The following CLVS1 variants were observed in gnomAD, a reference collection of about 807,000 sequenced individuals.
CLVS1 encodes the protein clavesin-1.
In CLVS1, 10 loss-of-function variants were observed where a neutral mutation model predicts 33.1. That is an observed-to-expected ratio of 0.30 (90% CI 0.19 to 0.51). CLVS1 has a LOEUF of 0.51. Ranked by LOEUF, CLVS1 falls within the 20% of genes least tolerant of loss-of-function variation. The probability of loss-of-function intolerance (pLI) is 0.97; values close to 1 mark genes in which losing one functional copy is unlikely to be tolerated. For synonymous variants in CLVS1, 163 were observed against 166.1 expected (o/e 0.98, Z 0.14); for missense variants, 343 against 433.4 (o/e 0.79, Z 1.85).
At chr8:61,390,291 G>A (rs907751123) in intron 3 of CLVS1, among the ~76,000 whole-genome samples, 1 of 152,078 alleles carries the variant, frequency 6.6e-6, no homozygotes, top group Non-Finnish European at 1.5e-5. Flanking sequence ...TGTTTACAAC[G>A]ACTACATCAT....
chr8:61,375,435 G>C (rs905418690), intron 2 of CLVS1, among the ~76,000 whole-genome samples: 1 of 152,012 alleles, frequency 6.6e-6, no homozygotes, highest in South Asian at 2.1e-4. Context: ...ATTTTTAGTC[G>C]AGACGGGGTT....
At chr8:61,102,825 T>G in intron 1 of CLVS1, among the ~76,000 whole-genome samples, 1 of 151,448 alleles carries the variant, frequency 6.6e-6, no homozygotes, top group South Asian at 2.1e-4. Flanking sequence ...AAAGAGGAAA[T>G]AGAAGAGGAA....
intron 3 of CLVS1, chr8:61,377,619 C>G (rs1813700710): frequency 6.6e-6 from 1 of 152,192 alleles, no homozygotes; most frequent in Admixed American, 6.5e-5. Context: ...AGTCATTACT[C>G]ATGCTCTTCA....
intron 2 of CLVS1, among the ~76,000 whole-genome samples, chr8:61,309,445 C>G (rs1810757377): frequency 6.6e-6 from 1 of 152,180 alleles, no homozygotes. Flanking sequence ...CTCTCACCTC[C>G]AAACCCCTCA....
intron 2 of CLVS1, among the ~76,000 whole-genome samples, chr8:61,357,489 C>CTTTTATTTTTTTTTTTT (rs1462908906): frequency 1.7e-4 from 5 of 30,282 alleles, no homozygotes; most frequent in Admixed American, 7.4e-4. Flanking sequence ...TTTCCTTTTT[C>CTTTTATTTTTTTTTTTT]TTTTCTTTTT....
At chr8:61,275,444 C>T (rs1437449780) in intron 2 of CLVS1, among the ~76,000 whole-genome samples, 1 of 152,148 alleles carries the variant, frequency 6.6e-6, no homozygotes, top group Non-Finnish European at 1.5e-5. Flanking sequence ...TCCTAATTAC[C>T]CATCTTGCAT....
intron 1 of CLVS1, among the ~76,000 whole-genome samples, chr8:61,097,974 G>A (rs190607795): frequency 2.6e-5 from 4 of 152,254 alleles, no homozygotes; most frequent in South Asian, 2.1e-4. Flanking sequence ...GGGCAACATT[G>A]TGATACTCTG....
At chr8:61,368,778 C>T (rs1454689580) in intron 2 of CLVS1, among the ~76,000 whole-genome samples, 1 of 152,136 alleles carries the variant, frequency 6.6e-6, no homozygotes, top group Non-Finnish European at 1.5e-5. Context: ...TACATTATTT[C>T]TAAAAATCTG....
chr8:61,183,524 C>T (rs531160594), intron 2 of CLVS1, among the ~76,000 whole-genome samples: 27 of 152,020 alleles, frequency 1.8e-4, no homozygotes, highest in South Asian at 1.0e-3. Flanking sequence ...ATCCTGAGAG[C>T]GGAGGTGAAT....
At chr8:61,161,664 T>C (rs1270873860) in intron 2 of CLVS1, among the ~76,000 whole-genome samples, 1 of 152,190 alleles carries the variant, frequency 6.6e-6, no homozygotes, top group African/African-American at 2.4e-5. Flanking sequence ...GAAAAGATGT[T>C]GGTCAAAGGG....
chr8:60,994,804 C>T, the CLVS1 span, among the ~76,000 whole-genome samples: 26 of 152,112 alleles, frequency 1.7e-4, no homozygotes, highest in East Asian at 4.8e-3. Flanking sequence ...GGTACTGGTA[C>T]CAAAACAGAG....
intron 3 of CLVS1, among the ~76,000 whole-genome samples, chr8:61,445,364 C>G (rs1816716041): frequency 1.3e-5 from 2 of 152,142 alleles, no homozygotes; most frequent in Non-Finnish European, 2.9e-5. Context: ...GGGGTGGATC[C>G]TTCATGAACT....
chr8:61,307,846 C>T (rs559624705), intron 2 of CLVS1, among the ~76,000 whole-genome samples: 2 of 152,146 alleles, frequency 1.3e-5, no homozygotes, highest in South Asian at 2.1e-4. Context: ...CTCCCACACT[C>T]CCACCTTATG....
chr8:61,407,207 C>A (rs757356395), intron 3 of CLVS1, among the ~76,000 whole-genome samples: 10 of 152,190 alleles, frequency 6.6e-5, no homozygotes, highest in Non-Finnish European at 1.5e-4. Flanking sequence ...GAATACTCAG[C>A]ACCATGGCTA....
the CLVS1 span, among the ~76,000 whole-genome samples, chr8:61,014,055 C>T: frequency 6.0e-5 from 9 of 149,526 alleles, no homozygotes; most frequent in Non-Finnish European, 1.2e-4. Context: ...TTAGACTCAT[C>T]TGCAAGTGTC....
At chr8:61,247,121 A>G (rs777078991) in intron 2 of CLVS1, among the ~76,000 whole-genome samples, 2 of 152,186 alleles carry the variant, frequency 1.3e-5, no homozygotes, top group Non-Finnish European at 2.9e-5. Flanking sequence ...ATCAAAACAC[A>G]TGATCTAATT....
At chr8:61,222,605 C>T (rs1445573202) in intron 2 of CLVS1, among the ~76,000 whole-genome samples, 1 of 152,022 alleles carries the variant, frequency 6.6e-6, no homozygotes, top group African/African-American at 2.4e-5. Flanking sequence ...ATTATGTGGT[C>T]GATTTTAGAG....
rs150127544 is a variant in CLVS1, at chr8:61,069,114, G to A, written c.-243+11884G>A. On this transcript the variant is annotated intron_variant, in intron 1 of 2. Coordinates refer to the CLVS1 transcript ENST00000522621. ...CCCAAGTAGTTGGAATTATAGGTGCGCACCATCATGCTTGGCTAATTTTGT... is the reference window on the plus strand; with the variant it reads ...CCCAAGTAGTTGGAATTATAGGTGCACACCATCATGCTTGGCTAATTTTGT... Among the ~76,000 whole-genome samples the A allele has an allele frequency of 4.0e-3, 614 of 152,158 alleles. 6 individuals carry two copies. Among genetic ancestry groups the A allele is most frequent in the African/African-American group, 0.014 (582 of 41,520 alleles).
upstream of CLVS1, among the ~76,000 whole-genome samples, chr8:61,286,100 G>A (rs1809774172): frequency 6.6e-6 from 1 of 151,846 alleles, no homozygotes; most frequent in Non-Finnish European, 1.5e-5. Context: ...TAACTCTGCA[G>A]CCCCAGTGAC....
Sources: gnomAD v4.1 joint callset for allele counts (sites outside exome capture counted in the v4.1 genomes callset) on GRCh38, gnomAD v4.1.1 for gene constraint, MANE v1.5 for transcripts, NCBI Gene and HGNC (gene_info 2026-07-23, HGNC 2026-07-21) for gene names.